The following CDK5RAP3 variants were observed in gnomAD, a reference collection of about 807,000 sequenced individuals.
CDK5RAP3 encodes the protein CDK5 regulatory subunit associated protein 3, also known as CDK5 regulatory subunit-associated protein 3.
A neutral mutation model predicts 73.3 loss-of-function variants in CDK5RAP3; 58 were observed. That is an observed-to-expected ratio of 0.79 (90% CI 0.64 to 0.98). The LOEUF is 0.98. Ranked by LOEUF, CDK5RAP3 falls within the 50% of genes least tolerant of loss-of-function variation. CDK5RAP3 has a pLI of 0.00. For missense variants in CDK5RAP3, 525 were observed against 615.8 expected (o/e 0.85, Z 1.56); for synonymous variants, 224 against 247.5 (o/e 0.91, Z 0.89).
At chr17:47,977,444 G>A (rs112153522) in intron 9 of CDK5RAP3, among the ~76,000 whole-genome samples, 13,400 of 151,984 alleles carry the variant, frequency 0.088, 799 homozygotes, top group East Asian at 0.18. Context: ...CACCGCGCCC[G>A]GCTAATTTTT....
At chr17:47,976,646 G>A (rs2036419427) in intron 8 of CDK5RAP3, 66 bp from the exon 9 acceptor site, 2 of 1,111,534 alleles carry the variant, frequency 1.8e-6, no homozygotes, top group Admixed American at 1.7e-5. Context: ...TTACAGACAT[G>A]AGCCACCATG....
At chr17:47,975,056 C>T (rs1233774697) in intron 5 of CDK5RAP3, 103 bp from the exon 6 acceptor site, 6 of 1,608,428 alleles carry the variant, frequency 3.7e-6, no homozygotes, top group Non-Finnish European at 5.1e-6. Flanking sequence ...GGCTGGGAAG[C>T]TGACTTCGTG....
At chr17:47,974,523 T>TA in intron 5 of CDK5RAP3, 75 bp downstream of exon 5, 1 of 1,611,692 alleles carries the variant, frequency 6.2e-7, no homozygotes, top group Non-Finnish European at 8.5e-7. Flanking sequence ...ACCAGGCTTA[T>TA]AGGAGGCACA....
intron 5 of CDK5RAP3, chr17:47,974,943 C>T: frequency 2.1e-6 from 3 of 1,427,414 alleles, no homozygotes; most frequent in South Asian, 2.9e-5. Flanking sequence ...TGGATTCTCT[C>T]TTGCATCTTC....
chr17:47,974,432 G>A lies in CDK5RAP3; in HGVS notation c.318G>A (p.Lys106=), dbSNP rs754049329. 12 of 1,614,164 alleles carry A rather than the reference G, an allele frequency of 7.4e-6. No homozygotes were observed. The highest frequency in any genetic ancestry group is 5.0e-5 in the Admixed American group (3 of 60,026). The change falls in exon 5 of 14, where the codon AAG becomes AAA. Residue 106 remains lysine, a synonymous_variant. Coordinates refer to ENST00000338399, the MANE Select transcript of CDK5RAP3 (RefSeq NM_176096.3). ...DWQEIIALYE[K]DNTYLVELSS... Reference sequence around the variant, plus strand: ...AGGAGATTATAGCTCTGTATGAGAAGGACAACACCTACTTAGGTAAAGTGG... The same window carrying A: ...AGGAGATTATAGCTCTGTATGAGAAAGACAACACCTACTTAGGTAAAGTGG...
chr17:47,973,904 C>T (rs2036328339), intron 3 of CDK5RAP3, 27 bp from the exon 4 acceptor site: 1 of 1,567,462 alleles, frequency 6.4e-7, no homozygotes, highest in Admixed American at 1.7e-5. Flanking sequence ...TACTTTAGTT[C>T]TCGAAATCCC....
chr17:47,974,427 GAGA>G lies in CDK5RAP3; in HGVS notation c.316_318del (p.Lys106del). On this transcript the variant is annotated inframe_deletion, in exon 5 of 14. Coordinates refer to ENST00000338399, the MANE Select transcript of CDK5RAP3 (RefSeq NM_176096.3). ...TTGGCAGGAGATTATAGCTCTGTAT[GAGA>G]AGGACAACACCTACTTAGGTAAAGT... 6.2e-7 allele frequency: 1 copy of G among 1,614,188 alleles called. No individual in the cohort carries two copies. The highest frequency in any genetic ancestry group is 8.5e-7 in the Non-Finnish European group (1 of 1,180,012).
upstream of CDK5RAP3, among the ~76,000 whole-genome samples, chr17:47,969,114 A>G (rs1425938038): frequency 6.6e-6 from 1 of 152,222 alleles, no homozygotes; most frequent in Non-Finnish European, 1.5e-5. Flanking sequence ...TGTGGCTATC[A>G]GATAGGTTAT....
Position 47,976,848 on chromosome 17 carries a change from C to G in CDK5RAP3, c.909+26C>G, listed in dbSNP as rs770059074. 134 of 1,407,286 alleles carry G rather than the reference C, an allele frequency of 9.5e-5. 1 individual carries two copies. Among genetic ancestry groups the G allele is most frequent in the Non-Finnish European group, 1.3e-4 (128 of 1,008,706 alleles). The allele number at this position is 1,407,286 out of a possible 1,614,324, so 87.2% of individuals were successfully genotyped here. A position where few individuals can be genotyped will look rare whatever the true frequency, so the allele number is the denominator to read the frequency against. ...GTGAGGAGGCCTTCTCAGTCTGTCT[C>G]TCTCTGATCACTACTCTAACCATAA... On this transcript the variant is annotated intron_variant, in intron 9 of 13. Coordinates refer to ENST00000338399, the MANE Select transcript of CDK5RAP3 (RefSeq NM_176096.3).
chr17:47,976,345 G>A (rs1031555025), intron 8 of CDK5RAP3: 4 of 374,508 alleles, frequency 1.1e-5, no homozygotes, highest in African/African-American at 8.3e-5. Context: ...TGGGAAGGCA[G>A]CCCCACCCTC....
In CDK5RAP3 at chr17:47,977,894, G is replaced by A; in HGVS notation, c.972G>A (p.Leu324=). The A allele has an allele frequency of 6.2e-7, 1 of 1,614,024 alleles. No individual in the cohort carries two copies. ...DDAVALQITV[L]EAGTQAPEGV... ...CTGTTGCTTTGCAGATCACAGTGCTGGAAGCAGGAACCCAGGGTAAGTGCA... is the reference window on the plus strand; with the variant it reads ...CTGTTGCTTTGCAGATCACAGTGCTAGAAGCAGGAACCCAGGGTAAGTGCA... Residue 324 remains leucine, a synonymous_variant, in exon 10 of 14, where the codon CTG becomes CTA. Coordinates refer to ENST00000338399, the MANE Select transcript of CDK5RAP3 (RefSeq NM_176096.3).
chr17:47,977,842 G>A lies in CDK5RAP3; in HGVS notation c.920G>A (p.Gly307Asp). 6.2e-7 allele frequency: 1 copy of A among 1,613,888 alleles called. No homozygotes were observed. Among genetic ancestry groups the A allele is most frequent in the African/African-American group, 1.3e-5 (1 of 75,018 alleles). Residue 307 changes from glycine to aspartate, a missense_variant, in exon 10 of 14, where the codon GGT (glycine) becomes GAT (aspartate). Gly to Asp is a moderately conservative substitution (Grantham distance 94, BLOSUM62 -1). Around this residue, in one of 2 missense-constraint regions of CDK5RAP3, gnomAD observed 409 missense variants for 429.8 expected, o/e 0.95. Transcript: ENST00000338399. ...FPESDSKDPG[G>D]DGIDWGDDAV... ...TTGCTCTCCTTCCAGGATCCTGGAG[G>A]TGATGGGATAGACTGGGGAGACGAT...
chr17:47,976,356 CT>C, intron 8 of CDK5RAP3: 1 of 361,672 alleles, frequency 2.8e-6, no homozygotes, highest in Non-Finnish European at 5.1e-6. Flanking sequence ...CCCCACCCTC[CT>C]TTTTAAATTA....
intron 10 of CDK5RAP3, 106 bp downstream of exon 10, chr17:47,978,016 T>C (rs1020623757): frequency 2.7e-6 from 2 of 752,190 alleles, no homozygotes; most frequent in Non-Finnish European, 4.4e-6. Flanking sequence ...CTTGCACATT[T>C]AACTGTTTCT....
upstream of CDK5RAP3, among the ~76,000 whole-genome samples, chr17:47,968,752 G>A (rs138230637): frequency 7.2e-5 from 11 of 152,166 alleles, no homozygotes; most frequent in African/African-American, 2.6e-4. Flanking sequence ...TCCTGACCTC[G>A]TGATCCACCC....
chr17:47,974,270 A>C (rs778070035), intron 4 of CDK5RAP3, 130 bp from the exon 5 acceptor site: 39 of 892,572 alleles, frequency 4.4e-5, no homozygotes, highest in Non-Finnish European at 6.7e-5. Context: ...AGCAGAGTTG[A>C]AAGAAGGACA....
In CDK5RAP3 at chr17:47,980,505, G is replaced by A. The variant is rs1027206166; in HGVS notation, c.1078-88G>A. 2.1e-5 allele frequency: 25 copies of A among 1,194,184 alleles called. 1 individual carries two copies. Among genetic ancestry groups the A allele is most frequent in the African/African-American group, 1.5e-4 (10 of 66,716 alleles). The allele number at this position is 1,194,184 out of a possible 1,614,324, so 74.0% of individuals were successfully genotyped here. A position where few individuals can be genotyped will look rare whatever the true frequency, so the allele number is the denominator to read the frequency against. On this transcript the variant is annotated intron_variant, in intron 11 of 13. Coordinates refer to ENST00000338399, the MANE Select transcript of CDK5RAP3 (RefSeq NM_176096.3). ...TGGTCTTGAACTCCTGGCCTCAAGC[G>A]ATCCTCCTGCCTTGGCCTCCCACAG...
At chr17:47,976,678 C>A in intron 8 of CDK5RAP3, 34 bp from the exon 9 acceptor site, 1 of 1,463,272 alleles carries the variant, frequency 6.8e-7, no homozygotes, top group Non-Finnish European at 9.6e-7. Flanking sequence ...TTAAATCCAT[C>A]TTCCATGAGC....
At chr17:47,980,957 T>C in intron 12 of CDK5RAP3, 159 bp downstream of exon 12, 1 of 875,474 alleles carries the variant, frequency 1.1e-6, no homozygotes, top group Non-Finnish European at 1.8e-6. Flanking sequence ...GGGGGAGGTT[T>C]CACATATACA....
Sources: allele counts gnomAD v4.1 joint callset (sites outside exome capture counted in the v4.1 genomes callset), GRCh38; gene constraint gnomAD v4.1.1; regional missense constraint gnomAD v4.1.1; transcripts MANE v1.5; gene names NCBI Gene and HGNC (gene_info 2026-07-23, HGNC 2026-07-21).